SLC41A3: variants seen among roughly 807,000 people sequenced by gnomAD.
The protein encoded by SLC41A3 is solute carrier family 41 member 3.
SLC41A3 carries 44 observed loss-of-function variants against 45.4 expected under a neutral mutation model. The observed-to-expected ratio is 0.97, with a 90% CI of 0.76 to 1.25. The LOEUF is 1.25. Among genes scored for constraint, SLC41A3 ranks in the 50% most tolerant of loss-of-function variants. The pLI is 0.00. For synonymous variants in SLC41A3, 256 were observed against 252.4 expected (o/e 1.01, Z -0.13); for missense variants, 550 against 600.6 (o/e 0.92, Z 0.88).
chr3:126,061,460 G>T (rs1944063884), intron 2 of SLC41A3, among the ~76,000 whole-genome samples: 1 of 152,148 alleles, frequency 6.6e-6, no homozygotes, highest in African/African-American at 2.4e-5. Context: ...CCCACCACTT[G>T]CTGGAGCACA....
At position 126,020,948 on chromosome 3, in the gene SLC41A3, A is replaced by G. The variant is rs187301077; in HGVS notation, c.745+1838T>C. On this transcript the variant is annotated intron_variant, in intron 6 of 10. Coordinates refer to ENST00000360370, the MANE Select transcript of SLC41A3 (RefSeq NM_017836.4). ...CTCTCTCTGTTGCCCAGGCTGGAGT[A>G]CAGTGGCGCTATCCCGGCTCACTGC... Among the ~76,000 whole-genome samples, 365 of 150,902 alleles carry G rather than the reference A, an allele frequency of 2.4e-3. 3 individuals carry two copies. The highest frequency in any genetic ancestry group is 0.015 in the Admixed American group (229 of 15,146).
chr3:126,042,639 A>G (rs1347913250), intron 3 of SLC41A3, among the ~76,000 whole-genome samples: 1 of 152,226 alleles, frequency 6.6e-6, no homozygotes, highest in Non-Finnish European at 1.5e-5. Flanking sequence ...GCTAAAGGAC[A>G]TATAACTTTA....
chr3:126,068,148 G>T lies in SLC41A3; in HGVS notation c.72C>A (p.His24Gln), dbSNP rs1053845681. The stretch of plus-strand genomic sequence containing the variant: ...CAGGGAGTCCTCCTGTGCTGAGGGG[G>T]TGAGGAAGCCCCAGCTCCCCTGGCT... ...CGKPGELGLP[H>Q]PLSTGGLPVA... The change falls in exon 2 of 11, where the codon CAC becomes CAA. Residue 24 changes from histidine (H) to glutamine (Q), a missense_variant. Transcript: ENST00000360370. 1 of 1,602,960 alleles carries T rather than the reference G, an allele frequency of 6.2e-7. No homozygotes were observed. Among genetic ancestry groups the T allele is most frequent in the Non-Finnish European group, 8.5e-7 (1 of 1,175,006 alleles).
At chr3:126,063,949 A>ACGCCCCC (rs1944206566) in intron 2 of SLC41A3, among the ~76,000 whole-genome samples, 1 of 101,994 alleles carries the variant, frequency 9.8e-6, no homozygotes, top group African/African-American at 3.4e-5. Context: ...GCCAGATCCA[A>ACGCCCCC]CCCCCCCCCG....
At position 126,061,171 on chromosome 3, in the gene SLC41A3, G is replaced by T. The variant is rs527455337; in HGVS notation, c.273+6776C>A. Among the ~76,000 whole-genome samples the T allele has an allele frequency of 1.9e-3, 295 of 152,334 alleles. 2 individuals carry two copies. The highest frequency in any genetic ancestry group is 3.2e-3 in the Non-Finnish European group (221 of 68,020). ...CACCTTGACCCTCGGCAGGTTCTGG[G>T]CCAGATGGTCATTCTTACAGGCATG... On this transcript the variant is annotated intron_variant, in intron 2 of 10. Coordinates refer to ENST00000360370, the MANE Select transcript of SLC41A3 (RefSeq NM_017836.4).
intron 1 of SLC41A3, among the ~76,000 whole-genome samples, chr3:126,073,564 T>G (rs550224131): frequency 9.2e-5 from 14 of 152,242 alleles, no homozygotes; most frequent in African/African-American, 2.2e-4. Flanking sequence ...AACCTGCACA[T>G]GTACCCCTGA....
intron 5 of SLC41A3, chr3:126,023,608 G>A (rs1447974847): frequency 6.6e-6 from 1 of 152,394 alleles, no homozygotes. Flanking sequence ...GGAGCTTAGC[G>A]GTGCTGTCCA....
At chr3:126,079,800 A>C (rs1249518353) in intron 1 of SLC41A3, among the ~76,000 whole-genome samples, 1 of 152,246 alleles carries the variant, frequency 6.6e-6, no homozygotes, top group Non-Finnish European at 1.5e-5. Flanking sequence ...AAAAGAATAA[A>C]GCTTGAAGCA....
intron 10 of SLC41A3, among the ~76,000 whole-genome samples, chr3:126,008,102 T>C (rs1939298769): frequency 6.6e-6 from 1 of 152,234 alleles, no homozygotes; most frequent in Non-Finnish European, 1.5e-5. Flanking sequence ...CTCAGCCTGT[T>C]CCGTGGGAAC....
intron 1 of SLC41A3, among the ~76,000 whole-genome samples, chr3:126,092,278 C>T (rs1358533952): frequency 6.6e-6 from 1 of 152,048 alleles, no homozygotes; most frequent in African/African-American, 2.4e-5. Context: ...ATTTAAAGGC[C>T]TTCTTAAACC....
rs57262035 is a variant in SLC41A3, at chr3:126,098,925, CTTTTT to C, written c.-79+2499_-79+2503del. On this transcript the variant is annotated intron_variant, in intron 1 of 9. Transcript: ENST00000508835. ...TCCAGGAGGGATGGACATGACCTGG[CTTTTT>C]TTTTTTTTTTTTTTTTTGTATTTTT... Among the ~76,000 whole-genome samples, 892 of 109,618 alleles carry C rather than the reference CTTTTT, an allele frequency of 8.1e-3. 6 individuals carry two copies. The highest frequency in any genetic ancestry group is 0.029 in the African/African-American group (742 of 25,378). 71.9% of individuals were successfully genotyped at this position (109,618 alleles called of 152,430 possible).
intron 6 of SLC41A3, among the ~76,000 whole-genome samples, chr3:126,022,559 A>G (rs1940981327): frequency 6.6e-6 from 1 of 152,208 alleles, no homozygotes; most frequent in African/African-American, 2.4e-5. Context: ...CACTCCCATG[A>G]TAACTCATTA....
intron 3 of SLC41A3, among the ~76,000 whole-genome samples, chr3:126,038,978 T>C (rs1224198647): frequency 1.3e-5 from 2 of 152,016 alleles, no homozygotes; most frequent in African/African-American, 4.8e-5. Flanking sequence ...TGGGAGCTGA[T>C]TAAGAGTTTA....
chr3:126,027,819 A>G (rs1941485314), intron 4 of SLC41A3, among the ~76,000 whole-genome samples: 1 of 152,242 alleles, frequency 6.6e-6, no homozygotes, highest in South Asian at 2.1e-4. Flanking sequence ...AAACTGGAGC[A>G]AAGGTTCCTT....
chr3:126,077,192 A>G (rs147494645), intron 1 of SLC41A3, among the ~76,000 whole-genome samples: 156 of 152,226 alleles, frequency 1.0e-3, no homozygotes, highest in African/African-American at 3.6e-3. Context: ...AGCTTGGCCA[A>G]CATGGTGAGA....
At chr3:126,078,825 T>G (rs1310003099) in intron 1 of SLC41A3, 1 of 152,154 alleles carries the variant, frequency 6.6e-6, no homozygotes, top group Non-Finnish European at 1.5e-5. Flanking sequence ...CCCCTCTACC[T>G]CTGTGGGATC....
chr3:126,013,038 T>A (rs1218529324), intron 8 of SLC41A3, among the ~76,000 whole-genome samples: 1 of 151,874 alleles, frequency 6.6e-6, no homozygotes, highest in Non-Finnish European at 1.5e-5. Flanking sequence ...ATTTGTTGGC[T>A]GGAGCGAGGA....
At chr3:126,088,103 G>C (rs1446828778), upstream of SLC41A3, among the ~76,000 whole-genome samples, 2 of 151,922 alleles carry the variant, frequency 1.3e-5, no homozygotes, top group African/African-American at 4.8e-5. Flanking sequence ...CTTAATAATA[G>C]TTATAGGATA....
chr3:126,039,875 T>C (rs899264714), intron 3 of SLC41A3, among the ~76,000 whole-genome samples: 2 of 152,248 alleles, frequency 1.3e-5, no homozygotes, highest in Non-Finnish European at 2.9e-5. Context: ...CATACATACG[T>C]TTCCTAGTTC....
Sources: gnomAD v4.1 joint callset for allele counts (sites outside exome capture counted in the v4.1 genomes callset) on GRCh38, gnomAD v4.1.1 for gene constraint, MANE v1.5 for transcripts, NCBI Gene and HGNC (gene_info 2026-07-23, HGNC 2026-07-21) for gene names.